USP12: variants seen among roughly 807,000 people sequenced by gnomAD.
The protein encoded by USP12 is ubiquitin specific peptidase 12.
A neutral mutation model predicts 45.5 loss-of-function variants in USP12; 19 were observed. That is an observed-to-expected ratio of 0.42 (90% CI 0.29 to 0.61). USP12 has a LOEUF of 0.61. USP12 is among the 20% of genes least tolerant of loss of function. The probability of loss-of-function intolerance (pLI) is 0.22; values close to 1 mark genes in which losing one functional copy is unlikely to be tolerated. For synonymous variants in USP12, 149 were observed against 148.8 expected (o/e 1.00, Z -0.01); for missense variants, 242 against 447.7 (o/e 0.54, Z 4.15).
At chr13:27,160,514 C>T (rs1473279764) in intron 1 of USP12, among the ~76,000 whole-genome samples, 1 of 149,458 alleles carries the variant, frequency 6.7e-6, no homozygotes. Context: ...AAAAATGCAA[C>T]ACCAGACAAT....
chr13:27,153,447 A>G (rs773818759), intron 1 of USP12, among the ~76,000 whole-genome samples: 2 of 152,278 alleles, frequency 1.3e-5, no homozygotes, highest in African/African-American at 4.8e-5. Flanking sequence ...AATATTTTCT[A>G]GTTTCAAATA....
At chr13:27,104,953 C>T (rs1307454219) in intron 3 of USP12, among the ~76,000 whole-genome samples, 1 of 152,090 alleles carries the variant, frequency 6.6e-6, no homozygotes, top group Non-Finnish European at 1.5e-5. Flanking sequence ...ATCTAAATTC[C>T]ATTTGAATTT....
chr13:27,086,181 AAAAAAAAAAAAAAAAAAT>A lies in USP12; in HGVS notation c.734+3684_734+3701del, dbSNP rs1331976359. The stretch of plus-strand genomic sequence containing the variant: ...AGAGATCTTTTGTCTCTTTAAAAAA[AAAAAAAAAAAAAAAAAAT>A]ATATATATATATATATATATGCGCA... On this transcript the variant is annotated intron_variant, in intron 6 of 8. Coordinates refer to ENST00000282344, the MANE Select transcript of USP12 (RefSeq NM_182488.4). Among the ~76,000 whole-genome samples, 21 of 29,452 alleles carry A rather than the reference AAAAAAAAAAAAAAAAAAT, an allele frequency of 7.1e-4. No homozygotes were observed. The South Asian group carries it at 0.018, about 25-fold the overall frequency. The allele number at this position is 29,452 out of a possible 152,430, so 19.3% of individuals were successfully genotyped here.
chr13:27,135,159 C>T (rs192695409), intron 1 of USP12, among the ~76,000 whole-genome samples: 40 of 151,998 alleles, frequency 2.6e-4, no homozygotes, highest in African/African-American at 8.9e-4. Flanking sequence ...TGGTGGAGTG[C>T]GTCTGTAGTC....
chr13:27,157,216 T>C (rs1877881700), intron 1 of USP12, among the ~76,000 whole-genome samples: 1 of 152,254 alleles, frequency 6.6e-6, no homozygotes, highest in Admixed American at 6.5e-5. Flanking sequence ...GTTGGTTTTT[T>C]ATTTTCAATA....
At chr13:27,094,765 A>C (rs935202744) in intron 4 of USP12, among the ~76,000 whole-genome samples, 1 of 152,150 alleles carries the variant, frequency 6.6e-6, no homozygotes, top group Non-Finnish European at 1.5e-5. Context: ...GACCATGTAA[A>C]TGTTTCAGGT....
At chr13:27,092,209 T>C (rs780393879) in intron 4 of USP12, among the ~76,000 whole-genome samples, 11 of 152,156 alleles carry the variant, frequency 7.2e-5, no homozygotes, top group South Asian at 2.1e-4. Flanking sequence ...CAATGAAAGA[T>C]AGCAAAAAAA....
chr13:27,137,326 TA>T (rs1330794539), intron 1 of USP12, among the ~76,000 whole-genome samples: 1 of 152,186 alleles, frequency 6.6e-6, no homozygotes, highest in Non-Finnish European at 1.5e-5. Context: ...GATGTCATAA[TA>T]AATCAGCCAT....
chr13:27,126,176 G>C (rs1404943298), intron 1 of USP12, among the ~76,000 whole-genome samples: 4 of 152,220 alleles, frequency 2.6e-5, no homozygotes, highest in Non-Finnish European at 4.4e-5. Context: ...CCTCAAGTGG[G>C]TCCCTGACTG....
chr13:27,168,380 G>A (rs79976375), intron 1 of USP12, among the ~76,000 whole-genome samples: 3,505 of 152,300 alleles, frequency 0.023, 135 homozygotes, highest in African/African-American at 0.081. Context: ...AGTAAGTAGT[G>A]CCAGCTCCAA....
chr13:27,085,384 TTGGCCAGGC>T (rs2137765051), intron 6 of USP12, among the ~76,000 whole-genome samples: 1 of 152,266 alleles, frequency 6.6e-6, no homozygotes, highest in East Asian at 1.9e-4. Context: ...TTTTAGCATA[TTGGCCAGGC>T]TGGTCTTGAA....
At chr13:27,102,493 G>GCC (rs1874915763) in intron 3 of USP12, among the ~76,000 whole-genome samples, 2 of 152,056 alleles carry the variant, frequency 1.3e-5, no homozygotes, top group Non-Finnish European at 2.9e-5. Context: ...CAAGCTTTAG[G>GCC]CCCCTGTTCT....
chr13:27,070,421 G>A (rs985037468), intron 8 of USP12, among the ~76,000 whole-genome samples: 1 of 152,066 alleles, frequency 6.6e-6, no homozygotes, highest in Non-Finnish European at 1.5e-5. Context: ...ATGGCCATGT[G>A]TGTGTGACAT....
intron 1 of USP12, among the ~76,000 whole-genome samples, chr13:27,134,316 T>G (rs1180407120): frequency 6.6e-6 from 1 of 152,180 alleles, no homozygotes; most frequent in African/African-American, 2.4e-5. Flanking sequence ...TTTCTAAAAT[T>G]TCTCTATCAC....
At chr13:27,137,580 G>T (rs1170036) in intron 1 of USP12, among the ~76,000 whole-genome samples, 119,264 of 152,040 alleles carry the variant, frequency 0.78, 48,047 homozygotes, top group South Asian at 0.92. Flanking sequence ...TCATAAGTAA[G>T]ATACCACACT....
chr13:27,069,053 C>T lies in USP12; in HGVS notation c.*230G>A, dbSNP rs1873118339. 1 of 501,782 alleles carries T rather than the reference C, an allele frequency of 2.0e-6. No homozygotes were observed. Among genetic ancestry groups the T allele is most frequent in the African/African-American group, 2.0e-5 (1 of 50,644 alleles). 31.1% of individuals were successfully genotyped at this position (501,782 alleles called of 1,614,324 possible). On this transcript the variant is annotated 3_prime_UTR_variant, in exon 9 of 9. Transcript: ENST00000282344. Reference sequence around the variant, plus strand: ...GAGGAGCTGGTATCTCTGATTTCACCTCCTTGTTGTATGGAACTGTACAGA... The same window carrying T: ...GAGGAGCTGGTATCTCTGATTTCACTTCCTTGTTGTATGGAACTGTACAGA...
At chr13:27,095,299 C>T (rs1182387155) in intron 4 of USP12, among the ~76,000 whole-genome samples, 1 of 152,148 alleles carries the variant, frequency 6.6e-6, no homozygotes, top group Non-Finnish European at 1.5e-5. Flanking sequence ...CTGTATGATC[C>T]TATGAGATTA....
At position 27,073,380 on chromosome 13, in the gene USP12, A is replaced by T. The variant is rs1028959570; in HGVS notation, c.932+1811T>A. Among the ~76,000 whole-genome samples, 3 of 152,234 alleles carry T rather than the reference A, an allele frequency of 2.0e-5. No homozygotes were observed. The South Asian group carries it at 6.2e-4, about 32-fold the overall frequency. Reference sequence around the variant, plus strand: ...CAGACAGCTGGCAAGAGGATTTTACAGTGCTTGTGAGAACATGCTTTAAAT... The same window carrying T: ...CAGACAGCTGGCAAGAGGATTTTACTGTGCTTGTGAGAACATGCTTTAAAT... On this transcript the variant is annotated intron_variant, in intron 7 of 8. Transcript: ENST00000282344.
At chr13:27,107,082 T>C (rs1307876859) in intron 2 of USP12, among the ~76,000 whole-genome samples, 1 of 152,132 alleles carries the variant, frequency 6.6e-6, no homozygotes, top group East Asian at 1.9e-4. Context: ...CCCAGCACTT[T>C]GGGAGGCCGA....
Sources: gnomAD v4.1 joint callset for allele counts (sites outside exome capture counted in the v4.1 genomes callset) on GRCh38, gnomAD v4.1.1 for gene constraint, MANE v1.5 for transcripts, NCBI Gene and HGNC (gene_info 2026-07-23, HGNC 2026-07-21) for gene names.